Variants in WTAP observed in about 807,000 individuals in gnomAD.
The protein encoded by WTAP is pre-mRNA-splicing regulator WTAP.
In WTAP, 8 loss-of-function variants were observed where a neutral mutation model predicts 50.0. The ratio of observed to expected loss-of-function variants is 0.16; its 90% CI spans 0.09 to 0.29. The LOEUF is 0.29. Ranked by LOEUF, WTAP falls within the 10% of genes least tolerant of loss-of-function variation. The pLI, the probability that WTAP is intolerant of heterozygous loss-of-function variation, is 1.00. For missense variants in WTAP, 295 were observed against 470.7 expected, an observed-to-expected ratio of 0.63 and a Z score of 3.45; for synonymous variants, 194 against 169.0, an observed-to-expected ratio of 1.15 and a Z score of -1.15.
chr6:159,726,950 T>TGAGCGTCACGAACACA, upstream of WTAP: 1 of 1,287,872 alleles, frequency 7.8e-7, no homozygotes. Flanking sequence ...GCATCACGGA[T>TGAGCGTCACGAACACA]GAGCGTCACG....
chr6:159,746,866 A>C (rs906721956), intron 5 of WTAP, among the ~76,000 whole-genome samples: 4 of 152,188 alleles, frequency 2.6e-5, no homozygotes, highest in African/African-American at 9.6e-5. Flanking sequence ...CATGAATGAA[A>C]GTGTTGACTA....
In WTAP at chr6:159,727,548, G is replaced by T; in HGVS notation, c.-164G>T. 1 of 989,222 alleles carries T rather than the reference G, an allele frequency of 1.0e-6. No individual in the cohort carries two copies. Among genetic ancestry groups the T allele is most frequent in the South Asian group, 4.5e-5 (1 of 22,294 alleles). 61.3% of individuals were successfully genotyped at this position (989,222 alleles called of 1,614,324 possible). On this transcript the variant is annotated 5_prime_UTR_variant, in exon 1 of 8. It adds an upstream start codon to the 5' untranslated region. Coordinates refer to ENST00000621533, the MANE Select transcript of WTAP (RefSeq NM_001270531.2). Reference sequence around the variant, plus strand: ...TGTGGCAGCGAGACCCACAAATAAAGGGGAGCGCAGGGGTTGCGGCGGGAC... The same window carrying T: ...TGTGGCAGCGAGACCCACAAATAAATGGGAGCGCAGGGGTTGCGGCGGGAC...
intron 7 of WTAP, 26 bp downstream of exon 7, chr6:159,753,640 C>CAAA: frequency 1.9e-6 from 3 of 1,583,154 alleles, no homozygotes; most frequent in Non-Finnish European, 2.6e-6. Flanking sequence ...CTTTTTGGAA[C>CAAA]GTTGTCTCAA....
intron 1 of WTAP, among the ~76,000 whole-genome samples, chr6:159,735,222 C>T (rs1325309261): frequency 6.6e-6 from 1 of 152,174 alleles, no homozygotes; most frequent in Non-Finnish European, 1.5e-5. Context: ...CTCACTGCAA[C>T]CTCCGCCTCC....
chr6:159,734,375 CAA>C (rs67668924), intron 1 of WTAP, among the ~76,000 whole-genome samples: 2,455 of 130,742 alleles, frequency 0.019, 60 homozygotes, highest in African/African-American at 0.065. Flanking sequence ...GACTCCATCT[CAA>C]AAAAAAAAAA....
Position 159,743,662 on chromosome 6 carries a change from C to T in WTAP, c.146-3C>T, listed in dbSNP as rs1452128294. On this transcript the variant is annotated splice_polypyrimidine_tract_variant and splice_region_variant and intron_variant, in intron 4 of 7. Coordinates refer to ENST00000621533, the MANE Select transcript of WTAP (RefSeq NM_001270531.2). The stretch of plus-strand genomic sequence containing the variant: ...TATTTATAATTTTTTTTTGAATCAT[C>T]AGCTAATGATGTAACTGGCCTAAGA... The T allele has an allele frequency of 6.3e-7, 1 of 1,582,494 alleles. No individual in the cohort carries two copies. Among genetic ancestry groups the T allele is most frequent in the Non-Finnish European group, 8.6e-7 (1 of 1,168,532 alleles).
In WTAP at chr6:159,755,722, GGTTTTTTTTTGTT is replaced by G. The variant is rs1779977824; in HGVS notation, c.*121_*133del. ...TTGCCTTTTTGTGGGTGTACGTTTTGGTTTTTTTTTGTTGTTTTTTTTCTTTGTTTTTTTTTTC... is the reference window on the plus strand; with the variant it reads ...TTGCCTTTTTGTGGGTGTACGTTTTGGTTTTTTTTCTTTGTTTTTTTTTTC... On this transcript the variant is annotated 3_prime_UTR_variant, in exon 8 of 8. Transcript: ENST00000621533. 2.8e-6 allele frequency: 3 copies of G among 1,068,718 alleles called. No homozygotes were observed. The highest frequency in any genetic ancestry group is 3.4e-6 in the Non-Finnish European group (3 of 891,350). The allele number at this position is 1,068,718 out of a possible 1,614,324, so 66.2% of individuals were successfully genotyped here.
chr6:159,748,922 A>C lies in WTAP; in HGVS notation c.452+553A>C. The C allele has an allele frequency of 8.7e-7, 1 of 1,154,552 alleles. No individual in the cohort carries two copies. 71.5% of individuals were successfully genotyped at this position (1,154,552 alleles called of 1,614,324 possible). ...TGATTGTTGTTGAACTTCTGGGTCA[A>C]AACTCAAATGAGGTGAATTTTGCCT... On this transcript the variant is annotated intron_variant, in intron 6 of 7. Transcript: ENST00000621533. The surrounding 1 kb of genome is among the most constrained non-coding windows in gnomAD (Gnocchi z 5.6).
chr6:159,733,641 A>T (rs557045885), intron 1 of WTAP, among the ~76,000 whole-genome samples: 2 of 151,542 alleles, frequency 1.3e-5, no homozygotes, highest in Admixed American at 1.3e-4. Context: ...AAAGCCCAGC[A>T]CGCTGGCTCA....
chr6:159,736,521 T>G, intron 2 of WTAP: 1 of 406,482 alleles, frequency 2.5e-6, no homozygotes, highest in Non-Finnish European at 4.4e-6. Flanking sequence ...AAACTTTAGT[T>G]ATAATAATAT....
chr6:159,727,541 A>T lies in WTAP; in HGVS notation c.-171A>T, dbSNP rs1778263134. Reference sequence around the variant, plus strand: ...GCCATTTTGTGGCAGCGAGACCCACAAATAAAGGGGAGCGCAGGGGTTGCG... The same window carrying T: ...GCCATTTTGTGGCAGCGAGACCCACTAATAAAGGGGAGCGCAGGGGTTGCG... On this transcript the variant is annotated 5_prime_UTR_variant, in exon 1 of 8. Transcript: ENST00000621533. The T allele has an allele frequency of 8.1e-6, 8 of 990,708 alleles. No individual in the cohort carries two copies. The highest frequency in any genetic ancestry group is 8.4e-6 in the Non-Finnish European group (7 of 834,248). The allele number at this position is 990,708 out of a possible 1,614,324, so 61.4% of individuals were successfully genotyped here. A position where few individuals can be genotyped will look rare whatever the true frequency, so the allele number is the denominator to read the frequency against.
At chr6:159,749,549 T>C (rs1779748107) in intron 6 of WTAP, 3 of 580,276 alleles carry the variant, frequency 5.2e-6, no homozygotes, top group South Asian at 7.6e-5. Context: ...GTTGCTGTGC[T>C]CTTCAAAGTG....
intron 2 of WTAP, among the ~76,000 whole-genome samples, chr6:159,736,960 A>G (rs1778960359): frequency 6.6e-6 from 1 of 152,192 alleles, no homozygotes; most frequent in Non-Finnish European, 1.5e-5. Context: ...GAAGTTTCCT[A>G]TTGTGGAGTC....
chr6:159,748,418 C>T lies in WTAP; in HGVS notation c.452+49C>T, dbSNP rs753459755. 1.1e-5 allele frequency: 17 copies of T among 1,601,414 alleles called. No homozygotes were observed. The Admixed American group carries it at 1.5e-4, about 14-fold the overall frequency. ...CAAGACTTCCCTGACAGTCCCACTA[C>T]GAGAAAGCTGTGGTGGGACAGCCAA... is the stretch of plus-strand genomic sequence containing the variant. On this transcript the variant is annotated intron_variant, in intron 6 of 7. Transcript: ENST00000621533. This position sits in a 1 kb window ranked among gnomAD's most constrained non-coding sequence, Gnocchi z 5.6.
chr6:159,742,854 G>GT (rs1331001071), intron 4 of WTAP, among the ~76,000 whole-genome samples: 1 of 151,654 alleles, frequency 6.6e-6, no homozygotes, highest in Non-Finnish European at 1.5e-5. Flanking sequence ...CCAGGAGTTT[G>GT]AGACCAGCAT....
chr6:159,735,567 G>A lies in WTAP; in HGVS notation c.-8-691G>A, dbSNP rs915385356. Among the ~76,000 whole-genome samples the A allele has an allele frequency of 5.9e-5, 9 of 152,222 alleles. No homozygotes were observed. In the East Asian group the frequency reaches 9.7e-4, roughly 16 times the overall value. ...AGTTCGAGACCAGCCTGACCAACAC[G>A]GTGAAACCCCGTCTCTACTAAAAAT... On this transcript the variant is annotated intron_variant, in intron 1 of 7. Coordinates refer to ENST00000621533, the MANE Select transcript of WTAP (RefSeq NM_001270531.2).
intron 1 of WTAP, among the ~76,000 whole-genome samples, chr6:159,729,807 A>G (rs923687105): frequency 2.6e-5 from 4 of 152,194 alleles, no homozygotes; most frequent in Admixed American, 6.5e-5. Context: ...TTTGTTCGCC[A>G]AGGTACCGTG....
intron 1 of WTAP, among the ~76,000 whole-genome samples, chr6:159,728,437 ACT>A (rs1054250526): frequency 8.6e-5 from 13 of 152,036 alleles, no homozygotes; most frequent in African/African-American, 1.7e-4. Flanking sequence ...AAACAAAAAA[ACT>A]ATTATTTAGT....
At chr6:159,737,953 T>C (rs979802932) in intron 2 of WTAP, among the ~76,000 whole-genome samples, 2 of 152,244 alleles carry the variant, frequency 1.3e-5, no homozygotes, top group African/African-American at 4.8e-5. Context: ...CAAATAAATG[T>C]ACAGAGAGGT....
Sources: gnomAD v4.1 joint callset for allele counts (sites outside exome capture counted in the v4.1 genomes callset) on GRCh38, gnomAD v4.1.1 for gene constraint, Gnocchi (gnomAD v3.1) non-coding constraint, MANE v1.5 for transcripts, NCBI Gene and HGNC (gene_info 2026-07-23, HGNC 2026-07-21) for gene names.